JAZF1: variants seen among roughly 807,000 people sequenced by gnomAD.
The protein encoded by JAZF1 is JAZF zinc finger 1, also known as juxtaposed with another zinc finger protein 1.
In JAZF1, 8 loss-of-function variants were observed where a neutral mutation model predicts 26.4. The observed-to-expected ratio is 0.30, with a 90% CI of 0.18 to 0.55. The LOEUF (loss-of-function observed/expected upper bound fraction) is 0.55. Ranked by LOEUF, JAZF1 falls within the 20% of genes least tolerant of loss-of-function variation. The pLI is 0.94. For missense variants in JAZF1, 199 were observed against 322.0 expected (o/e 0.62, Z 2.92); for synonymous variants, 126 against 122.3 (o/e 1.03, Z -0.20).
intron 1 of JAZF1, among the ~76,000 whole-genome samples, chr7:28,152,697 C>T (rs368376017): frequency 5.9e-5 from 9 of 152,068 alleles, no homozygotes; most frequent in Admixed American, 2.6e-4. Flanking sequence ...GTAAATACAG[C>T]GAGTTAATGA....
chr7:28,009,565 C>A (rs943875958), intron 1 of JAZF1, among the ~76,000 whole-genome samples: 1 of 151,610 alleles, frequency 6.6e-6, no homozygotes, highest in Non-Finnish European at 1.5e-5. Context: ...CTCACTGCAA[C>A]CTCCGCCTCC....
At chr7:27,942,992 C>T (rs1442448116) in intron 2 of JAZF1, among the ~76,000 whole-genome samples, 1 of 152,160 alleles carries the variant, frequency 6.6e-6, no homozygotes, top group Non-Finnish European at 1.5e-5. Flanking sequence ...GCACAAACCT[C>T]CTCTGGCTTA....
intron 1 of JAZF1, among the ~76,000 whole-genome samples, chr7:28,090,502 T>A (rs1206741203): frequency 6.6e-6 from 1 of 152,264 alleles, no homozygotes; most frequent in Non-Finnish European, 1.5e-5. Context: ...AAAAGGAAAT[T>A]ATTTTAGTGT....
chr7:27,948,283 G>GTGC (rs1255883275), intron 2 of JAZF1, among the ~76,000 whole-genome samples: 1 of 152,158 alleles, frequency 6.6e-6, no homozygotes, highest in East Asian at 1.9e-4. Flanking sequence ...TCATGCCACG[G>GTGC]TGCTCCAGCT....
chr7:27,980,377 T>G (rs1785557564), intron 2 of JAZF1, among the ~76,000 whole-genome samples: 1 of 152,066 alleles, frequency 6.6e-6, no homozygotes, highest in South Asian at 2.1e-4. Flanking sequence ...AAATCATAGG[T>G]TTTTTTTCCT....
chr7:28,172,474 T>C (rs1234208029), intron 1 of JAZF1, among the ~76,000 whole-genome samples: 1 of 152,226 alleles, frequency 6.6e-6, no homozygotes, highest in Non-Finnish European at 1.5e-5. Context: ...ATCAGGCATA[T>C]TCATGTCAAA....
intron 1 of JAZF1, among the ~76,000 whole-genome samples, chr7:28,082,957 G>T (rs1467493804): frequency 6.6e-6 from 1 of 152,174 alleles, no homozygotes; most frequent in East Asian, 1.9e-4. Flanking sequence ...CTCCAACTGG[G>T]ATTGCAAAGC....
intron 2 of JAZF1, chr7:27,914,632 A>G (rs975890865): frequency 2.9e-5 from 12 of 413,010 alleles, no homozygotes; most frequent in African/African-American, 2.5e-4. Context: ...TCACCAGCCA[A>G]GGACAAGAGT....
chr7:27,930,529 G>T (rs891729242), intron 2 of JAZF1, among the ~76,000 whole-genome samples: 1 of 152,160 alleles, frequency 6.6e-6, no homozygotes. Flanking sequence ...TGAGGTTAAT[G>T]AAAACAGGCA....
intron 2 of JAZF1, among the ~76,000 whole-genome samples, chr7:27,940,248 C>A (rs548012503): frequency 6.6e-6 from 1 of 151,960 alleles, no homozygotes; most frequent in Non-Finnish European, 1.5e-5. Context: ...GAAGGTGACA[C>A]CTTTCTGCTC....
chr7:28,172,724 A>G (rs1187186588), intron 1 of JAZF1, among the ~76,000 whole-genome samples: 7 of 152,262 alleles, frequency 4.6e-5, no homozygotes, highest in Non-Finnish European at 7.4e-5. Context: ...TAACACTGCA[A>G]TTCTCTCTCT....
At chr7:28,035,313 CAAAAAAAAAAAAAAAAA>C (rs201602870) in intron 1 of JAZF1, among the ~76,000 whole-genome samples, 4 of 27,470 alleles carry the variant, frequency 1.5e-4, no homozygotes, top group South Asian at 3.8e-3. Flanking sequence ...GACTCCATCT[CAAAAAAAAAAAAAAAAA>C]AAAAAAAAAA....
In JAZF1 at chr7:28,142,786, T is replaced by C. The variant is rs183651640; in HGVS notation, c.115+37677A>G. Among the ~76,000 whole-genome samples the C allele has an allele frequency of 3.3e-5, 5 of 152,276 alleles. No homozygotes were observed. In the East Asian group the frequency reaches 7.7e-4, roughly 24 times the overall value. ...GGTAGGACAACAACCTAGCATGAGA[T>C]GCAGGGTATGGCCAGCAGAGAGCAG... On this transcript the variant is annotated intron_variant, in intron 1 of 4. Transcript: ENST00000283928.
intron 4 of JAZF1, among the ~76,000 whole-genome samples, chr7:27,838,008 C>CTTTTTTTTTTTTTTTTTT (rs34890301): frequency 7.0e-6 from 1 of 143,594 alleles, no homozygotes; most frequent in Non-Finnish European, 1.5e-5. Flanking sequence ...CTTTGTCTGC[C>CTTTTTTTTTTTTTTTTTT]TTTTTTTTTT....
intron 1 of JAZF1, among the ~76,000 whole-genome samples, chr7:28,033,294 G>A (rs1190209596): frequency 6.6e-6 from 1 of 152,162 alleles, no homozygotes; most frequent in Admixed American, 6.6e-5. Context: ...CCACAGATTT[G>A]GAGCCTAGTG....
At chr7:27,952,686 T>TG (rs1398547496) in intron 2 of JAZF1, among the ~76,000 whole-genome samples, 2 of 152,202 alleles carry the variant, frequency 1.3e-5, no homozygotes, top group African/African-American at 4.8e-5. Flanking sequence ...GCTATAGGGC[T>TG]GGGGGAGTTG....
At chr7:28,048,875 A>C (rs1037575838) in intron 1 of JAZF1, among the ~76,000 whole-genome samples, 2 of 152,182 alleles carry the variant, frequency 1.3e-5, no homozygotes, top group African/African-American at 4.8e-5. Context: ...TCCTGAAAAC[A>C]TGCTAAGGAA....
chr7:28,152,970 T>C (rs187089654), intron 1 of JAZF1, among the ~76,000 whole-genome samples: 90 of 152,358 alleles, frequency 5.9e-4, no homozygotes, highest in Admixed American at 2.8e-3. Flanking sequence ...GTGTTGCATT[T>C]TCACAAAGCC....
chr7:27,837,740 T>C (rs1782844666), intron 4 of JAZF1, among the ~76,000 whole-genome samples: 1 of 152,122 alleles, frequency 6.6e-6, no homozygotes, highest in Non-Finnish European at 1.5e-5. Context: ...GACCCGAATA[T>C]GCAACCCAAA....
Sources: allele counts gnomAD v4.1 joint callset (sites outside exome capture counted in the v4.1 genomes callset), GRCh38; gene constraint gnomAD v4.1.1; transcripts MANE v1.5; gene names NCBI Gene and HGNC (gene_info 2026-07-23, HGNC 2026-07-21).